Variants in TET1 observed in about 807,000 individuals in gnomAD.
The protein encoded by TET1 is tet methylcytosine dioxygenase 1, also known as methylcytosine dioxygenase TET1.
Under a neutral mutation model 148.7 loss-of-function variants are expected in TET1, and 13 were observed. The ratio of observed to expected loss-of-function variants is 0.09; its 90% CI spans 0.06 to 0.14. TET1 has a LOEUF of 0.14. Among genes scored for constraint, TET1 ranks in the 10% least tolerant of loss-of-function variants. The probability of loss-of-function intolerance (pLI) is 1.00; values close to 1 mark genes in which losing one functional copy is unlikely to be tolerated. For synonymous variants in TET1, 907 were observed against 937.2 expected, an observed-to-expected ratio of 0.97 and a Z score of 0.59; for missense variants, 2,182 against 2,553.8, an observed-to-expected ratio of 0.85 and a Z score of 3.14.
chr10:68,580,450 C>G (rs2053781216), intron 2 of TET1, among the ~76,000 whole-genome samples: 1 of 148,566 alleles, frequency 6.7e-6, no homozygotes. Context: ...CTCCCAGTAG[C>G]TGGTACTACA....
At chr10:68,606,256 A>G (rs990377425) in intron 3 of TET1, among the ~76,000 whole-genome samples, 9 of 152,070 alleles carry the variant, frequency 5.9e-5, no homozygotes, top group Non-Finnish European at 1.5e-5. Context: ...AATCGCAGCT[A>G]ATTGGGAGGC....
intron 3 of TET1, among the ~76,000 whole-genome samples, chr10:68,633,592 T>C (rs1302509081): frequency 1.3e-5 from 2 of 152,070 alleles, no homozygotes; most frequent in African/African-American, 4.8e-5. Flanking sequence ...GTTTTTGCCA[T>C]TACTTGTAAT....
chr10:68,668,867 C>G (rs60094332), intron 7 of TET1, among the ~76,000 whole-genome samples: 1 of 151,942 alleles, frequency 6.6e-6, no homozygotes, highest in Non-Finnish European at 1.5e-5. Context: ...GCCTGTAGTC[C>G]TTAGGTAATT....
intron 3 of TET1, among the ~76,000 whole-genome samples, chr10:68,637,234 G>T (rs925163443): frequency 1.3e-5 from 2 of 151,934 alleles, no homozygotes; most frequent in African/African-American, 4.8e-5. Flanking sequence ...CCTGACCTCT[G>T]GTGATTCGGC....
chr10:68,622,647 C>A (rs1185961513), intron 3 of TET1, among the ~76,000 whole-genome samples: 1 of 151,844 alleles, frequency 6.6e-6, no homozygotes, highest in Admixed American at 6.6e-5. Context: ...GTTCCACAGT[C>A]CTCTTTCAAC....
At chr10:68,585,241 T>A (rs1036093104) in intron 2 of TET1, among the ~76,000 whole-genome samples, 1 of 152,092 alleles carries the variant, frequency 6.6e-6, no homozygotes, top group African/African-American at 2.4e-5. Flanking sequence ...TGACCTCAGG[T>A]GATCCTCCCG....
intron 3 of TET1, among the ~76,000 whole-genome samples, chr10:68,631,253 C>G (rs1311726956): frequency 1.3e-5 from 2 of 152,100 alleles, no homozygotes; most frequent in East Asian, 3.9e-4. Flanking sequence ...GCAGTGGGGA[C>G]TACGTTGGTG....
chr10:68,681,690 A>C (rs938362024), intron 9 of TET1, among the ~76,000 whole-genome samples: 2 of 152,120 alleles, frequency 1.3e-5, no homozygotes, highest in Non-Finnish European at 2.9e-5. Context: ...TTGTTGGCCA[A>C]GCTCGTTAGC....
rs2053701553 is a variant in TET1, at chr10:68,574,044, T to C, written c.1706T>C (p.Val569Ala). 6.2e-7 allele frequency: 1 copy of C among 1,613,986 alleles called. No homozygotes were observed. The highest frequency in any genetic ancestry group is 1.1e-5 in the South Asian group (1 of 91,088). ...GTGGTGACTATGCCAGTGCCAATGG[T>C]CAGTACCTCCTCTTCTTCCTATACC... ...TTVVTMPVPM[V>A]STSSSSYTTL... The change falls in exon 2 of 12, where the codon GTC becomes GCC. Residue 569 changes from valine (V) to alanine (A), a missense_variant. By Grantham distance (64) the Val-to-Ala change is moderately conservative. Coordinates refer to ENST00000373644, the MANE Select transcript of TET1 (RefSeq NM_030625.3).
chr10:68,560,906 C>T (rs1167423142), intron 1 of TET1, among the ~76,000 whole-genome samples, 164 bp downstream of exon 1: 1 of 152,150 alleles, frequency 6.6e-6, no homozygotes, highest in Non-Finnish European at 1.5e-5. Context: ...TTCCCCGCCT[C>T]GACCCCCCAC....
chr10:68,583,266 A>G (rs1247546579), intron 2 of TET1, among the ~76,000 whole-genome samples: 6 of 152,182 alleles, frequency 3.9e-5, no homozygotes, highest in Non-Finnish European at 8.8e-5. Context: ...CAAAGCTGCA[A>G]AAGTCCTTTT....
intron 2 of TET1, among the ~76,000 whole-genome samples, chr10:68,584,659 A>C (rs1052964108): frequency 1.3e-5 from 2 of 151,402 alleles, no homozygotes; most frequent in African/African-American, 4.8e-5. Flanking sequence ...CAGAGAGCTG[A>C]GATCGCACCA....
chr10:68,565,641 G>A (rs577899852), intron 1 of TET1, among the ~76,000 whole-genome samples: 2 of 151,990 alleles, frequency 1.3e-5, no homozygotes, highest in African/African-American at 2.4e-5. Flanking sequence ...ATTTAAATGT[G>A]GACCTATTTA....
At position 68,682,824 on chromosome 10, in the gene TET1, T is replaced by C; in HGVS notation, c.4915-12T>C. ...TCTCTCTTAAGATTGTGCTCCATGC[T>C]TTCTTTTCTAGGTGGAATATGAAAA... On this transcript the variant is annotated splice_polypyrimidine_tract_variant and intron_variant, in intron 9 of 11. Transcript: ENST00000373644. The C allele has an allele frequency of 6.2e-7, 1 of 1,611,686 alleles. No individual in the cohort carries two copies. The highest frequency in any genetic ancestry group is 1.1e-5 in the South Asian group (1 of 90,622).
chr10:68,604,561 G>T (rs1267306801), intron 3 of TET1, among the ~76,000 whole-genome samples: 1 of 152,128 alleles, frequency 6.6e-6, no homozygotes, highest in Non-Finnish European at 1.5e-5. Flanking sequence ...GTGGGGGGTG[G>T]GTGTGGGATA....
intron 3 of TET1, among the ~76,000 whole-genome samples, chr10:68,631,955 A>G (rs2054578183): frequency 6.6e-6 from 1 of 151,636 alleles, no homozygotes; most frequent in African/African-American, 2.4e-5. Context: ...GAGTTAGGCA[A>G]GGTCCCTGAA....
Position 68,620,419 on chromosome 10 carries a change from C to T in TET1, c.1968+19385C>T, listed in dbSNP as rs118074000. Reference sequence around the variant, plus strand: ...TTTCAAACAATGGCATCATATAGTACGTGATACTTAGTGACTGACTTTCAC... The same window carrying T: ...TTTCAAACAATGGCATCATATAGTATGTGATACTTAGTGACTGACTTTCAC... On this transcript the variant is annotated intron_variant, in intron 3 of 11. Transcript: ENST00000373644. 4.9e-3 allele frequency among the ~76,000 whole-genome samples: 745 copies of T among 152,256 alleles called. 4 individuals carry two copies. Among genetic ancestry groups the T allele is most frequent in the Admixed American group, 7.7e-3 (117 of 15,274 alleles).
At chr10:68,569,166 CT>C (rs34385747) in intron 1 of TET1, among the ~76,000 whole-genome samples, 6,000 of 69,742 alleles carry the variant, frequency 0.086, 38 homozygotes, top group East Asian at 0.15. Context: ...AGGAGAGTTT[CT>C]TTTTTTTTTT....
chr10:68,683,515 T>TG (rs1193747364), intron 10 of TET1, among the ~76,000 whole-genome samples: 1 of 152,006 alleles, frequency 6.6e-6, no homozygotes, highest in Non-Finnish European at 1.5e-5. Flanking sequence ...CATGACCTCG[T>TG]GATCCACCCA....
Sources: gnomAD v4.1 joint callset for allele counts (sites outside exome capture counted in the v4.1 genomes callset) on GRCh38, gnomAD v4.1.1 for gene constraint, MANE v1.5 for transcripts, NCBI Gene and HGNC (gene_info 2026-07-23, HGNC 2026-07-21) for gene names.